Variants in KIF1B observed in about 807,000 individuals in gnomAD.
The protein encoded by KIF1B is kinesin family member 1B.
In KIF1B, 76 loss-of-function variants were observed where a neutral mutation model predicts 241.9. That is an observed-to-expected ratio of 0.31 (90% CI 0.26 to 0.38). The LOEUF (loss-of-function observed/expected upper bound fraction) is 0.38, where lower values mean the gene tolerates loss of function less well. Among genes scored for constraint, KIF1B ranks in the 10% least tolerant of loss-of-function variants. The probability of loss-of-function intolerance (pLI) is 1.00; values close to 1 mark genes in which losing one functional copy is unlikely to be tolerated. For synonymous variants in KIF1B, 750 were observed against 796.7 expected (o/e 0.94, Z 0.99); for missense variants, 1,622 against 2,271.4 (o/e 0.71, Z 5.81).
chr1:10,285,539 GT>G (rs1359709745), intron 15 of KIF1B, among the ~76,000 whole-genome samples: 1 of 152,154 alleles, frequency 6.6e-6, no homozygotes. Flanking sequence ...AAATTTCTCT[GT>G]TTTAATTCTT....
At chr1:10,304,182 GA>G in intron 22 of KIF1B, 1 of 1,614,136 alleles carries the variant, frequency 6.2e-7, no homozygotes, top group Non-Finnish European at 8.5e-7. Context: ...CAAGGAAAGG[GA>G]ATAAAGAAGA....
chr1:10,257,803 G>A (rs1433110124), intron 3 of KIF1B, among the ~76,000 whole-genome samples: 1 of 152,014 alleles, frequency 6.6e-6, no homozygotes, highest in Non-Finnish European at 1.5e-5. Context: ...AGCCTCCTGA[G>A]TATCTGAGAT....
chr1:10,336,905 A>T (rs963700029), intron 29 of KIF1B, among the ~76,000 whole-genome samples, 163 bp downstream of exon 29: 1 of 152,220 alleles, frequency 6.6e-6, no homozygotes, highest in Non-Finnish European at 1.5e-5. Context: ...GTAAAGGTGT[A>T]TAGACTCAAT....
chr1:10,317,960 A>G (rs1240501821), intron 22 of KIF1B, among the ~76,000 whole-genome samples: 1 of 151,598 alleles, frequency 6.6e-6, no homozygotes, highest in African/African-American at 2.4e-5. Context: ...AAATGCTAAA[A>G]TCTTTATTTA....
At chr1:10,291,894 A>G (rs1650018058) in intron 16 of KIF1B, among the ~76,000 whole-genome samples, 153 bp from the exon 17 acceptor site, 3 of 152,230 alleles carry the variant, frequency 2.0e-5, no homozygotes, top group African/African-American at 7.2e-5. Flanking sequence ...CTTCTCATTA[A>G]TGATGAGATA....
At chr1:10,231,866 AG>A (rs1393929886) in intron 1 of KIF1B, among the ~76,000 whole-genome samples, 2 of 152,208 alleles carry the variant, frequency 1.3e-5, no homozygotes, top group African/African-American at 4.8e-5. Flanking sequence ...ATTAATAAAT[AG>A]GGACTTTTTA....
chr1:10,360,465 A>AC, intron 38 of KIF1B, among the ~76,000 whole-genome samples: 1 of 152,176 alleles, frequency 6.6e-6, no homozygotes, highest in East Asian at 1.9e-4. Context: ...TGGGCAGATC[A>AC]TCTGAGGTCA....
At chr1:10,361,413 C>T (rs542843502) in intron 39 of KIF1B, among the ~76,000 whole-genome samples, 1 of 152,312 alleles carries the variant, frequency 6.6e-6, no homozygotes, top group East Asian at 1.9e-4. Flanking sequence ...CCCTGTGCTG[C>T]CACTTACTTC....
In KIF1B at chr1:10,365,397, T is replaced by G; in HGVS notation, c.4513-12T>G. On this transcript the variant is annotated splice_polypyrimidine_tract_variant and intron_variant, in intron 42 of 48. Coordinates refer to ENST00000676179, the MANE Select transcript of KIF1B (RefSeq NM_001365951.3). This position sits in a 1 kb window ranked among gnomAD's most constrained non-coding sequence, Gnocchi z 4.0. ...TTTGTGTTTGCTATAGCAGTAGTAT[T>G]GATCTTCTCAGGTGGAAAAAACCCG... is the stretch of plus-strand genomic sequence containing the variant. 6.2e-7 allele frequency: 1 copy of G among 1,614,126 alleles called. No individual in the cohort carries two copies. Among genetic ancestry groups the G allele is most frequent in the Non-Finnish European group, 8.5e-7 (1 of 1,180,036 alleles).
At chr1:10,240,494 C>T (rs1367329080) in intron 2 of KIF1B, among the ~76,000 whole-genome samples, 1 of 152,162 alleles carries the variant, frequency 6.6e-6, no homozygotes, top group African/African-American at 2.4e-5. Flanking sequence ...AGCCATGAGC[C>T]ACCACACCCG....
At chr1:10,212,925 T>C (rs1017852653) in intron 1 of KIF1B, among the ~76,000 whole-genome samples, 1,349 of 99,436 alleles carry the variant, frequency 0.014, 25 homozygotes, top group South Asian at 0.058. Flanking sequence ...TATATATATA[T>C]ATATATACAC....
intron 22 of KIF1B, chr1:10,307,709 C>G: frequency 9.8e-7 from 1 of 1,023,940 alleles, no homozygotes; most frequent in Non-Finnish European, 1.2e-6. Context: ...TGAGGTATCC[C>G]TAGCTATTAT....
rs1466405976 is a variant in KIF1B, at chr1:10,244,383, C to T, written c.107-11864C>T. The stretch of plus-strand genomic sequence containing the variant: ...AGGCTGGAGTGCAATGGCCCGATCT[C>T]GGCTCACCGCAACCTCCGCCTCCCA... On this transcript the variant is annotated intron_variant, in intron 2 of 48. Transcript: ENST00000676179. 4.1e-5 allele frequency among the ~76,000 whole-genome samples: 6 copies of T among 144,724 alleles called. No individual in the cohort carries two copies. In the South Asian group the frequency reaches 6.5e-4, roughly 16 times the overall value. 94.9% of individuals were successfully genotyped at this position (144,724 alleles called of 152,430 possible).
At chr1:10,350,376 G>A (rs550492012) in intron 37 of KIF1B, among the ~76,000 whole-genome samples, 7 of 151,614 alleles carry the variant, frequency 4.6e-5, no homozygotes, top group Non-Finnish European at 7.4e-5. Context: ...TGGCTAACAC[G>A]GTGAAACCCC....
intron 41 of KIF1B, among the ~76,000 whole-genome samples, chr1:10,364,387 T>A (rs1042760816): frequency 6.6e-6 from 1 of 151,768 alleles, no homozygotes; most frequent in Non-Finnish European, 1.5e-5. Context: ...GTATTTTTAG[T>A]AGAGATGGGG....
At position 10,326,060 on chromosome 1, in the gene KIF1B, A is replaced by G; in HGVS notation, c.2676-51A>G. The G allele has an allele frequency of 6.2e-7, 1 of 1,611,302 alleles. No homozygotes were observed. The highest frequency in any genetic ancestry group is 8.5e-7 in the Non-Finnish European group (1 of 1,179,640). ...GCACCTATTGCTTCCTGTTTAACCAACTATTCCTCTCTCCCTGGCTGTGTT... is the reference window on the plus strand; with the variant it reads ...GCACCTATTGCTTCCTGTTTAACCAGCTATTCCTCTCTCCCTGGCTGTGTT... On this transcript the variant is annotated intron_variant, in intron 26 of 48. Transcript: ENST00000676179. The surrounding 1 kb of genome is among the most constrained non-coding windows in gnomAD (Gnocchi z 5.2).
chr1:10,343,368 C>T, intron 34 of KIF1B, 81 bp downstream of exon 34: 1 of 1,353,292 alleles, frequency 7.4e-7, no homozygotes. Flanking sequence ...AAATAGAAGT[C>T]ATGTTTGAAT....
In KIF1B at chr1:10,295,745, G is replaced by A. The variant is rs1650229639; in HGVS notation, c.1756G>A (p.Glu586Lys). ...IKEEHCIFRS[E>K]RSNSGEVIVT... ...AGAAGAGCATTGTATCTTCCGGAGT[G>A]AGAGAAGCAACAGCGGGGAAGGTGA... The change falls in exon 19 of 49, where the codon GAG becomes AAG. Residue 586 changes from glutamate to lysine, a missense_variant. Glu to Lys is a moderately conservative substitution (Grantham distance 56). This residue lies in a region of KIF1B where 44 missense variants were observed against 28.6 expected (regional missense o/e 1.54). Transcript: ENST00000676179. 1.2e-6 allele frequency: 2 copies of A among 1,613,658 alleles called. No individual in the cohort carries two copies. Among genetic ancestry groups the A allele is most frequent in the South Asian group, 2.2e-5 (2 of 91,024 alleles).
chr1:10,306,783 AAGGT>A, intron 22 of KIF1B: 1 of 984,028 alleles, frequency 1.0e-6, no homozygotes, highest in Non-Finnish European at 1.2e-6. Context: ...AAAAAAAAAA[AAGGT>A]AATATTTATT....
Sources: gnomAD v4.1 joint callset for allele counts (sites outside exome capture counted in the v4.1 genomes callset) on GRCh38, gnomAD v4.1.1 for gene constraint, gnomAD v4.1.1 regional missense constraint, Gnocchi (gnomAD v3.1) non-coding constraint, MANE v1.5 for transcripts, NCBI Gene and HGNC (gene_info 2026-07-23, HGNC 2026-07-21) for gene names.